The following CNTN4 variants were observed in gnomAD, a reference collection of about 807,000 sequenced individuals.
CNTN4 encodes the protein contactin-4.
Under a neutral mutation model 122.5 loss-of-function variants are expected in CNTN4, and 77 were observed. The observed-to-expected ratio is 0.63, with a 90% CI of 0.52 to 0.76. The LOEUF is 0.76. Ranked by LOEUF, CNTN4 falls within the 30% of genes least tolerant of loss-of-function variation. The pLI is 0.00. For missense variants in CNTN4, 1,256 were observed against 1,259.1 expected (o/e 1.00, Z 0.04); for synonymous variants, 512 against 447.0 (o/e 1.15, Z -1.83).
At chr3:2,926,375 A>G (rs1394007003) in intron 13 of CNTN4, among the ~76,000 whole-genome samples, 1 of 152,226 alleles carries the variant, frequency 6.6e-6, no homozygotes, top group Non-Finnish European at 1.5e-5. Context: ...AATTACATTT[A>G]GAATGCATGT....
Position 2,571,499 on chromosome 3 carries a change from T to G in CNTN4, c.-5T>G. On this transcript the variant is annotated 5_prime_UTR_variant, in exon 4 of 25. Transcript: ENST00000418658. ...TGAAACTCCCTTTGACCTCGGAAAC[T>G]GAAGATGAGGTTGCCATGGGAACTG... is the stretch of plus-strand genomic sequence containing the variant. 6.2e-7 allele frequency: 1 copy of G among 1,612,160 alleles called. No homozygotes were observed. The highest frequency in any genetic ancestry group is 8.5e-7 in the Non-Finnish European group (1 of 1,178,178).
chr3:2,362,645 C>A, intron 3 of CNTN4: 1 of 427,354 alleles, frequency 2.3e-6, no homozygotes, highest in South Asian at 1.9e-5. Context: ...GAGATGGATA[C>A]CAACTTGAGA....
intron 4 of CNTN4, among the ~76,000 whole-genome samples, chr3:2,634,771 G>A (rs1576299405): frequency 2.0e-5 from 3 of 151,676 alleles, no homozygotes; most frequent in East Asian, 3.9e-4. Context: ...CAGGAGAATC[G>A]CTTGAACCCG....
chr3:2,384,634 A>G (rs1188270973), intron 3 of CNTN4, among the ~76,000 whole-genome samples: 1 of 152,090 alleles, frequency 6.6e-6, no homozygotes, highest in Non-Finnish European at 1.5e-5. Context: ...CTTTGTGGAA[A>G]TCTCTTTTTC....
At chr3:2,421,961 TA>T (rs35895426) in intron 3 of CNTN4, among the ~76,000 whole-genome samples, 1,956 of 145,480 alleles carry the variant, frequency 0.013, 34 homozygotes, top group South Asian at 0.063. Flanking sequence ...ATGTCATTCA[TA>T]AAAAAAAAAA....
intron 2 of CNTN4, among the ~76,000 whole-genome samples, chr3:2,272,424 C>T (rs903840549): frequency 1.3e-5 from 2 of 152,104 alleles, no homozygotes; most frequent in East Asian, 1.9e-4. Context: ...TGTTGACCCT[C>T]ATCATTGTCC....
intron 3 of CNTN4, among the ~76,000 whole-genome samples, chr3:2,548,196 A>G (rs1269105735): frequency 2.1e-4 from 32 of 152,008 alleles, no homozygotes; most frequent in Admixed American, 6.6e-5. Flanking sequence ...CCATTTGTCT[A>G]TTTTGGCTTT....
intron 2 of CNTN4, among the ~76,000 whole-genome samples, chr3:2,187,941 A>T (rs1274806855): frequency 6.6e-6 from 1 of 152,142 alleles, no homozygotes; most frequent in African/African-American, 2.4e-5. Context: ...GGACCATGAG[A>T]AGTGCATCCT....
intron 8 of CNTN4, among the ~76,000 whole-genome samples, chr3:2,875,690 C>A (rs1437443529): frequency 1.3e-5 from 2 of 152,148 alleles, no homozygotes; most frequent in Non-Finnish European, 2.9e-5. Context: ...AAAATGATAT[C>A]ATTAAATATC....
intron 13 of CNTN4, among the ~76,000 whole-genome samples, chr3:2,987,922 A>T (rs567001407): frequency 1.3e-5 from 2 of 152,328 alleles, no homozygotes; most frequent in South Asian, 4.1e-4. Context: ...TAAGGCTCTC[A>T]TTTAGAAAAA....
At chr3:2,619,002 C>A (rs2081890292) in intron 4 of CNTN4, among the ~76,000 whole-genome samples, 1 of 152,146 alleles carries the variant, frequency 6.6e-6, no homozygotes, top group African/African-American at 2.4e-5. Flanking sequence ...AGGATATGTT[C>A]CTTGACCTTA....
At chr3:2,367,336 C>T (rs755992876) in intron 3 of CNTN4, among the ~76,000 whole-genome samples, 17 of 152,012 alleles carry the variant, frequency 1.1e-4, no homozygotes, top group Non-Finnish European at 2.4e-4. Context: ...ATTACTAGTG[C>T]TGTATTTGTA....
chr3:2,257,727 A>G (rs952993566), intron 2 of CNTN4, among the ~76,000 whole-genome samples: 7 of 152,218 alleles, frequency 4.6e-5, no homozygotes, highest in Admixed American at 6.5e-5. Flanking sequence ...CAAAACCACA[A>G]TGAGATACCA....
chr3:2,478,661 C>T (rs532605844), intron 3 of CNTN4, among the ~76,000 whole-genome samples: 1 of 152,254 alleles, frequency 6.6e-6, no homozygotes, highest in Admixed American at 6.5e-5. Context: ...TTAGCTCCCA[C>T]TTATAAGTGA....
chr3:2,467,724 T>C (rs2075554086), intron 3 of CNTN4, among the ~76,000 whole-genome samples: 1 of 152,158 alleles, frequency 6.6e-6, no homozygotes, highest in Admixed American at 6.5e-5. Flanking sequence ...TAGATATAGG[T>C]GTAAATTACA....
intron 3 of CNTN4, among the ~76,000 whole-genome samples, chr3:2,460,205 C>T (rs1391040389): frequency 2.6e-5 from 4 of 152,086 alleles, no homozygotes; most frequent in East Asian, 1.9e-4. Context: ...CACGGTTGCT[C>T]GGCATGCTCT....
At chr3:2,838,609 G>C (rs2093284120) in intron 7 of CNTN4, among the ~76,000 whole-genome samples, 1 of 151,544 alleles carries the variant, frequency 6.6e-6, no homozygotes, top group Non-Finnish European at 1.5e-5. Context: ...TTGACCCTGG[G>C]TTGTGTAATT....
At chr3:3,000,880 C>CTTTTTT (rs59337830) in intron 14 of CNTN4, among the ~76,000 whole-genome samples, 10 of 131,494 alleles carry the variant, frequency 7.6e-5, no homozygotes, top group African/African-American at 1.9e-4. Flanking sequence ...TTCTTTCTTT[C>CTTTTTT]TTTTTTTTTT....
chr3:2,599,695 C>T (rs1200043615), intron 4 of CNTN4, among the ~76,000 whole-genome samples: 2 of 152,094 alleles, frequency 1.3e-5, no homozygotes, highest in African/African-American at 4.8e-5. Context: ...GGCAGAGAAT[C>T]CCTAGCTAAA....
Sources: gnomAD v4.1 joint callset for allele counts (sites outside exome capture counted in the v4.1 genomes callset) on GRCh38, gnomAD v4.1.1 for gene constraint, MANE v1.5 for transcripts, NCBI Gene and HGNC (gene_info 2026-07-23, HGNC 2026-07-21) for gene names.